Variants in RGS21 observed in about 807,000 individuals in gnomAD.
The protein encoded by RGS21 is regulator of G-protein signalling 21.
A neutral mutation model predicts 18.7 loss-of-function variants in RGS21; 19 were observed. The observed-to-expected ratio is 1.01, with a 90% CI of 0.71 to 1.49. The LOEUF (loss-of-function observed/expected upper bound fraction) is 1.49, where lower values mean the gene tolerates loss of function less well. Ranked by LOEUF, RGS21 falls within the 40% of genes most tolerant of loss-of-function variation. RGS21 has a pLI of 0.00. For missense variants in RGS21, 194 were observed against 176.8 expected (o/e 1.10, Z -0.55); for synonymous variants, 56 against 57.8 (o/e 0.97, Z 0.14).
chr1:192,344,458 A>G (rs184717423), intron 2 of RGS21, among the ~76,000 whole-genome samples: 1 of 152,218 alleles, frequency 6.6e-6, no homozygotes, highest in East Asian at 1.9e-4. Context: ...GGAATAAAAC[A>G]GACTGTTATT....
At chr1:192,325,124 C>T (rs1003075939) in intron 1 of RGS21, among the ~76,000 whole-genome samples, 1 of 152,014 alleles carries the variant, frequency 6.6e-6, no homozygotes, top group African/African-American at 2.4e-5. Context: ...TCATCACTCA[C>T]GTAGTGAGCA....
At chr1:192,337,039 C>G (rs1251544208) in intron 1 of RGS21, among the ~76,000 whole-genome samples, 1 of 150,852 alleles carries the variant, frequency 6.6e-6, no homozygotes, top group Non-Finnish European at 1.5e-5. Context: ...ATAATTTATT[C>G]TAGTAATATA....
intron 1 of RGS21, among the ~76,000 whole-genome samples, chr1:192,333,699 T>G (rs895001394): frequency 6.9e-6 from 1 of 145,918 alleles, no homozygotes; most frequent in Non-Finnish European, 1.5e-5. Context: ...GCAGAGAAGG[T>G]ACTATAAGGG....
rs138122791 is a variant in RGS21 at position 192,355,048 on chromosome 1, G to A, written c.255+2835G>A. Among the ~76,000 whole-genome samples, 3 of 151,676 alleles carry A rather than the reference G, an allele frequency of 2.0e-5. No individual in the cohort carries two copies. In the East Asian group the frequency reaches 5.8e-4, roughly 29 times the overall value. ...TGGATTTTATGTCCTCTCCTTTAAAGTGTTACATTCTCTCTGGTTCCCAAA... is the reference window on the plus strand; with the variant it reads ...TGGATTTTATGTCCTCTCCTTTAAAATGTTACATTCTCTCTGGTTCCCAAA... On this transcript the variant is annotated intron_variant, in intron 4 of 4. Transcript: ENST00000417209.
intron 1 of RGS21, among the ~76,000 whole-genome samples, chr1:192,332,868 C>T (rs139856646): frequency 0.022 from 3,337 of 152,080 alleles, 58 homozygotes; most frequent in Middle Eastern, 0.061. Flanking sequence ...CAGTGAGCTA[C>T]AGTCATGCCA....
intron 4 of RGS21, among the ~76,000 whole-genome samples, chr1:192,355,598 G>A (rs1659101208): frequency 6.6e-6 from 1 of 151,384 alleles, no homozygotes; most frequent in South Asian, 2.1e-4. Context: ...AAAATTATTA[G>A]AGAAATAGAT....
At chr1:192,335,139 T>A (rs1405300160) in intron 1 of RGS21, among the ~76,000 whole-genome samples, 1 of 152,176 alleles carries the variant, frequency 6.6e-6, no homozygotes, top group African/African-American at 2.4e-5. Flanking sequence ...TTTTATTCTT[T>A]TGTTGCAGCA....
intron 1 of RGS21, among the ~76,000 whole-genome samples, chr1:192,334,918 C>T (rs1658743315): frequency 6.6e-6 from 1 of 152,068 alleles, no homozygotes. Flanking sequence ...CATTACAAAG[C>T]TTGAAAGCCT....
At chr1:192,361,919 C>T (rs1659192456) in intron 4 of RGS21, among the ~76,000 whole-genome samples, 1 of 152,002 alleles carries the variant, frequency 6.6e-6, no homozygotes, top group Non-Finnish European at 1.5e-5. Flanking sequence ...TTTCTGTGAA[C>T]AAGGAAGGCT....
Position 192,366,247 on chromosome 1 carries a change from A to G in RGS21, c.*123A>G. The G allele has an allele frequency of 1.5e-6, 1 of 657,548 alleles. No individual in the cohort carries two copies. The highest frequency in any genetic ancestry group is 2.6e-6 in the Non-Finnish European group (1 of 381,082). The allele number at this position is 657,548 out of a possible 1,614,324, so 40.7% of individuals were successfully genotyped here. On this transcript the variant is annotated 3_prime_UTR_variant, in exon 5 of 5. Transcript: ENST00000417209. ...AAAACATTTTTTACCCAAACAGATG[A>G]ATAACGTTTTATACAACAAGCCTGA... is the stretch of plus-strand genomic sequence containing the variant.
intron 4 of RGS21, among the ~76,000 whole-genome samples, chr1:192,359,449 T>C (rs1659153708): frequency 6.6e-6 from 1 of 151,934 alleles, no homozygotes; most frequent in East Asian, 1.9e-4. Context: ...ACCTTCAGTA[T>C]ACTTCAAACT....
chr1:192,319,728 G>A (rs903190959), intron 1 of RGS21, among the ~76,000 whole-genome samples: 11 of 152,036 alleles, frequency 7.2e-5, no homozygotes, highest in South Asian at 2.1e-4. Context: ...CACCTAAGTG[G>A]ATAAAATTGA....
chr1:192,350,791 A>T (rs542197298), intron 3 of RGS21, among the ~76,000 whole-genome samples: 307 of 152,296 alleles, frequency 2.0e-3, no homozygotes, highest in Middle Eastern at 3.4e-3. Context: ...GTCTAACTAG[A>T]GGCACTTACC....
intron 4 of RGS21, among the ~76,000 whole-genome samples, chr1:192,359,891 A>G (rs1659164368): frequency 6.6e-6 from 1 of 151,656 alleles, no homozygotes; most frequent in Admixed American, 6.6e-5. Flanking sequence ...GGCACTCTTG[A>G]TAGCATAGTT....
chr1:192,339,961 T>G (rs951543449), intron 1 of RGS21, among the ~76,000 whole-genome samples: 1 of 152,048 alleles, frequency 6.6e-6, no homozygotes, highest in African/African-American at 2.4e-5. Flanking sequence ...ATATTATATA[T>G]GTATGTACAT....
intron 1 of RGS21, among the ~76,000 whole-genome samples, chr1:192,333,442 T>C (rs1489793888): frequency 1.3e-5 from 2 of 151,944 alleles, no homozygotes; most frequent in African/African-American, 4.8e-5. Flanking sequence ...TGTCCTTAAG[T>C]AGTGAATGAT....
chr1:192,339,999 T>A (rs1394711089), intron 1 of RGS21, among the ~76,000 whole-genome samples: 1 of 152,104 alleles, frequency 6.6e-6, no homozygotes, highest in Non-Finnish European at 1.5e-5. Context: ...GAGTTAAACA[T>A]GATCTTTAAC....
intron 1 of RGS21, among the ~76,000 whole-genome samples, chr1:192,342,510 TTAAA>T (rs1222164234): frequency 1.3e-5 from 2 of 151,938 alleles, no homozygotes; most frequent in South Asian, 2.1e-4. Flanking sequence ...ATAAAATTGC[TTAAA>T]TAGTTAAACA....
At chr1:192,363,734 C>G (rs1194581855) in intron 4 of RGS21, among the ~76,000 whole-genome samples, 2 of 152,060 alleles carry the variant, frequency 1.3e-5, no homozygotes, top group Non-Finnish European at 2.9e-5. Flanking sequence ...AATATTATAA[C>G]AAAAATTCCT....
Sources: gnomAD v4.1 joint callset for allele counts (sites outside exome capture counted in the v4.1 genomes callset) on GRCh38, gnomAD v4.1.1 for gene constraint, MANE v1.5 for transcripts, NCBI Gene and HGNC (gene_info 2026-07-23, HGNC 2026-07-21) for gene names.